Variants in SHANK2 observed in about 807,000 individuals in gnomAD.
SHANK2 encodes SH3 and multiple ankyrin repeat domains 2.
In SHANK2, 43 loss-of-function variants were observed where a neutral mutation model predicts 133.7. The observed-to-expected ratio is 0.32, with a 90% CI of 0.25 to 0.41. SHANK2 has a LOEUF of 0.41. Among genes scored for constraint, SHANK2 ranks in the 10% least tolerant of loss-of-function variants. The probability of loss-of-function intolerance (pLI) is 1.00; values close to 1 mark genes in which losing one functional copy is unlikely to be tolerated. For missense variants in SHANK2, 1,994 were observed against 2,235.8 expected (o/e 0.89, Z 2.18); for synonymous variants, 1,017 against 952.8 (o/e 1.07, Z -1.24).
At chr11:70,909,983 T>C (rs968828848) in intron 10 of SHANK2, among the ~76,000 whole-genome samples, 2 of 152,092 alleles carry the variant, frequency 1.3e-5, no homozygotes, top group African/African-American at 4.8e-5. Flanking sequence ...CAGGGCTAGG[T>C]CCTCCTGAGG....
intron 11 of SHANK2, among the ~76,000 whole-genome samples, chr11:70,885,638 C>A (rs1949728714): frequency 6.6e-6 from 1 of 152,158 alleles, no homozygotes; most frequent in South Asian, 2.1e-4. Context: ...ACAAGGCACA[C>A]AGAGATGCAT....
chr11:71,203,867 A>G (rs1555117550), intron 2 of SHANK2, among the ~76,000 whole-genome samples: 1 of 152,232 alleles, frequency 6.6e-6, no homozygotes, highest in Non-Finnish European at 1.5e-5. Context: ...GCTCAGGAGC[A>G]GGGTGCAGGG....
chr11:70,647,515 C>T (rs472859), intron 17 of SHANK2: 2 of 152,208 alleles, frequency 1.3e-5, no homozygotes, highest in Non-Finnish European at 2.9e-5. Context: ...TGTGCTGTGG[C>T]CTCCTCATGC....
At chr11:71,110,609 A>G (rs946401450) in intron 5 of SHANK2, among the ~76,000 whole-genome samples, 1 of 152,130 alleles carries the variant, frequency 6.6e-6, no homozygotes, top group Non-Finnish European at 1.5e-5. Context: ...AAGAAAAACA[A>G]ATGTCTTTCC....
rs571903375 is a variant in SHANK2 at position 70,774,389 on chromosome 11, G to A, written c.1777+24054C>T. ...GCCTGGAGTGCAGTGGTGCCATCTCGGCTTACTGCAACTTCCACCTCCCAG... is the reference window on the plus strand; with the variant it reads ...GCCTGGAGTGCAGTGGTGCCATCTCAGCTTACTGCAACTTCCACCTCCCAG... On this transcript the variant is annotated intron_variant, in intron 14 of 25. Coordinates refer to ENST00000601538, the MANE Select transcript of SHANK2 (RefSeq NM_012309.5). Among the ~76,000 whole-genome samples, 30 of 151,770 alleles carry A rather than the reference G, an allele frequency of 2.0e-4. No individual in the cohort carries two copies. The South Asian group carries it at 3.1e-3, about 16-fold the overall frequency.
At chr11:71,168,660 CA>C (rs1288148519) in intron 2 of SHANK2, among the ~76,000 whole-genome samples, 1 of 152,126 alleles carries the variant, frequency 6.6e-6, no homozygotes, top group Non-Finnish European at 1.5e-5. Flanking sequence ...CTGTCTCCAC[CA>C]AAAAAATACG....
At chr11:70,542,661 A>G (rs2059637469) in intron 17 of SHANK2, among the ~76,000 whole-genome samples, 1 of 151,954 alleles carries the variant, frequency 6.6e-6, no homozygotes, top group Non-Finnish European at 1.5e-5. Flanking sequence ...TGGAGCACAA[A>G]CCCAACAGCC....
intron 11 of SHANK2, among the ~76,000 whole-genome samples, chr11:70,891,515 A>C (rs1166203349): frequency 4.0e-5 from 6 of 151,884 alleles, no homozygotes; most frequent in African/African-American, 1.5e-4. Flanking sequence ...AAACAAAAAC[A>C]AAAACAAAAA....
intron 17 of SHANK2, among the ~76,000 whole-genome samples, chr11:70,591,251 T>C (rs548884433): frequency 3.3e-5 from 5 of 151,528 alleles, no homozygotes; most frequent in African/African-American, 1.2e-4. Context: ...ACTAGGGAGA[T>C]TGAGGCAGGA....
chr11:71,205,121 C>T (rs1169446223), intron 2 of SHANK2, among the ~76,000 whole-genome samples: 2 of 152,190 alleles, frequency 1.3e-5, no homozygotes, highest in Non-Finnish European at 2.9e-5. Context: ...TTCCGTAGCA[C>T]CCTTGTGTAA....
At chr11:71,138,028 C>T (rs1952480616) in intron 3 of SHANK2, among the ~76,000 whole-genome samples, 1 of 151,582 alleles carries the variant, frequency 6.6e-6, no homozygotes, top group African/African-American at 2.4e-5. Context: ...ACGAACCACA[C>T]TCCTGCACCA....
chr11:70,697,497 G>A (rs1383721394), intron 15 of SHANK2, among the ~76,000 whole-genome samples: 2 of 152,310 alleles, frequency 1.3e-5, no homozygotes, highest in African/African-American at 4.8e-5. Flanking sequence ...GGGAGTGGGA[G>A]TGACTGCTAA....
chr11:70,781,558 T>TTATA (rs1273792106), intron 14 of SHANK2, among the ~76,000 whole-genome samples: 588 of 28,972 alleles, frequency 0.02, 91 homozygotes, highest in African/African-American at 0.054. Context: ...TACTTACTTA[T>TTATA]TATATATATA....
chr11:71,191,608 G>A (rs1156331427), intron 2 of SHANK2, among the ~76,000 whole-genome samples: 1 of 152,148 alleles, frequency 6.6e-6, no homozygotes. Flanking sequence ...CACCCAGACT[G>A]GAGTGCAATG....
chr11:70,820,216 G>A, intron 12 of SHANK2, 148 bp downstream of exon 12: 1 of 562,230 alleles, frequency 1.8e-6, no homozygotes, highest in Non-Finnish European at 3.1e-6. Context: ...CAGGGACAGT[G>A]AGCAAAACTC....
chr11:70,701,594 C>T (rs1438405831), intron 14 of SHANK2, among the ~76,000 whole-genome samples: 10 of 151,828 alleles, frequency 6.6e-5, no homozygotes, highest in Admixed American at 4.6e-4. Flanking sequence ...TTCGTAGAGA[C>T]GGGGTTTCAC....
chr11:70,472,715 T>C lies in SHANK2; in HGVS notation c.*154A>G. ...CCAGGGGTCTGAAGACCCAGCCATG[T>C]TGTGGACACAACTCAGTATTTCTTT... On this transcript the variant is annotated 3_prime_UTR_variant, in exon 26 of 26. Coordinates refer to ENST00000601538, the MANE Select transcript of SHANK2 (RefSeq NM_012309.5). This position sits in a 1 kb window ranked among gnomAD's most constrained non-coding sequence, Gnocchi z 4.4. 1.3e-6 allele frequency: 1 copy of C among 776,404 alleles called. No homozygotes were observed. The highest frequency in any genetic ancestry group is 2.0e-5 in the Admixed American group (1 of 50,118). 48.1% of individuals were successfully genotyped at this position (776,404 alleles called of 1,614,324 possible). A position where few individuals can be genotyped will look rare whatever the true frequency, so the allele number is the denominator to read the frequency against.
At chr11:70,866,848 C>T (rs1383458377) in intron 11 of SHANK2, among the ~76,000 whole-genome samples, 1 of 151,904 alleles carries the variant, frequency 6.6e-6, no homozygotes, top group Non-Finnish European at 1.5e-5. Flanking sequence ...CACTCTCTGC[C>T]CGCACATGGA....
intron 13 of SHANK2, among the ~76,000 whole-genome samples, chr11:70,806,659 T>C (rs950939770): frequency 2.6e-5 from 4 of 152,240 alleles, no homozygotes; most frequent in Non-Finnish European, 2.9e-5. Flanking sequence ...AGCCGACCCA[T>C]GCCAGGGCCC....
Sources: allele counts gnomAD v4.1 joint callset (sites outside exome capture counted in the v4.1 genomes callset), GRCh38; gene constraint gnomAD v4.1.1; non-coding constraint Gnocchi (gnomAD v3.1); transcripts MANE v1.5; gene names NCBI Gene and HGNC (gene_info 2026-07-23, HGNC 2026-07-21).